The following ANKRD24 variants were observed in gnomAD, a reference collection of about 807,000 sequenced individuals.
The protein encoded by ANKRD24 is ankyrin repeat domain-containing protein 24.
In ANKRD24, 109 loss-of-function variants were observed where a neutral mutation model predicts 127.8. That is an observed-to-expected ratio of 0.85 (90% CI 0.73 to 1.00). The LOEUF (loss-of-function observed/expected upper bound fraction) is 1.00. Ranked by LOEUF, ANKRD24 falls within the 50% of genes least tolerant of loss-of-function variation. The pLI, the probability that ANKRD24 is intolerant of heterozygous loss-of-function variation, is 0.00. For missense variants in ANKRD24, 1,648 were observed against 1,570.2 expected (o/e 1.05, Z -0.84); for synonymous variants, 743 against 671.1 (o/e 1.11, Z -1.66).
At chr19:4,194,484 G>C (rs1968584852) in intron 2 of ANKRD24, among the ~76,000 whole-genome samples, 1 of 152,074 alleles carries the variant, frequency 6.6e-6, no homozygotes, top group African/African-American at 2.4e-5. Context: ...TTTTTCACGT[G>C]TCAGGAAGGA....
Position 4,219,726 on chromosome 19 carries a change from G to A in ANKRD24, c.3139G>A (p.Ala1047Thr), listed in dbSNP as rs199674372. The change falls in exon 19 of 22, where the codon GCT becomes ACT. Residue 1047 changes from alanine (A) to threonine (T), a missense_variant. Transcript: ENST00000318934. ...ARQAQSRAQE[A>T]LDKAKEKDKK... ...CCAGGCCCAGAGCCGGGCCCAGGAGGCTCTGGACAAGGCCAAGGAGAAGGA... is the reference window on the plus strand; with the variant it reads ...CCAGGCCCAGAGCCGGGCCCAGGAGACTCTGGACAAGGCCAAGGAGAAGGA... The A allele has an allele frequency of 2.8e-4, 459 of 1,612,672 alleles. No individual in the cohort carries two copies. In the African/African-American group the frequency reaches 5.6e-3, roughly 20 times the overall value.
intron 2 of ANKRD24, among the ~76,000 whole-genome samples, chr19:4,191,424 C>A (rs759565411): frequency 6.6e-6 from 1 of 151,996 alleles, no homozygotes; most frequent in Non-Finnish European, 1.5e-5. Context: ...TCCCTAACAC[C>A]GGCTTTTTCT....
rs775226297 is a variant in ANKRD24, at chr19:4,207,583, C to T, written c.620C>T (p.Ala207Val). The change falls in exon 9 of 22, where the codon GCG (alanine) becomes GTG (valine). Residue 207 changes from alanine (A) to valine (V), a missense_variant. Ala to Val is a moderately conservative substitution (Grantham distance 64). Coordinates refer to ENST00000318934, the MANE Select transcript of ANKRD24 (RefSeq NM_001393985.1). ...CTCCTACTGCAGCAAGGGGCTGCCGCGAACGATCAGGACCTGCAAGGCAGG... is the reference window on the plus strand; with the variant it reads ...CTCCTACTGCAGCAAGGGGCTGCCGTGAACGATCAGGACCTGCAAGGCAGG... ...CRLLLQQGAA[A>V]NDQDLQGRTA... is the part of the protein sequence containing the mutation. The T allele has an allele frequency of 1.3e-5, 21 of 1,613,786 alleles. No individual in the cohort carries two copies. Among genetic ancestry groups the T allele is most frequent in the Admixed American group, 3.3e-5 (2 of 59,996 alleles).
rs750899148 is a variant in ANKRD24 at position 4,217,283 on chromosome 19, C to G, written c.2123C>G (p.Pro708Arg). Residue 708 changes from proline (P) to arginine (R), a missense_variant, in exon 18 of 22, where the codon CCC (proline) becomes CGC (arginine). Pro to Arg is a moderately radical substitution (Grantham distance 103). Transcript: ENST00000318934. ...EATVPGISAG[P>R]ILHPGAAEAS... ...ACGGTCCCGGGGATCTCTGCTGGCC[C>G]CATCCTACATCCTGGTGCCGCAGAG... 1 of 1,558,962 alleles carries G rather than the reference C, an allele frequency of 6.4e-7. No individual in the cohort carries two copies. Among genetic ancestry groups the G allele is most frequent in the Non-Finnish European group, 8.7e-7 (1 of 1,151,476 alleles).
Position 4,193,845 on chromosome 19 carries a change from G to GAGGGAGGGAGGGAGGGAGGGAGGGA in ANKRD24, c.37-5835_37-5834insGAGGGAGGGAGGGAGGGAGGGAAGG, listed in dbSNP as rs573649233. On this transcript the variant is annotated intron_variant, in intron 2 of 21. Coordinates refer to ENST00000318934, the MANE Select transcript of ANKRD24 (RefSeq NM_001393985.1). ...GAGCGAGACTCCGTCGGGAGGGAGGGAGGAAGGAAGGAAGGAAGGAAGGAA... is the reference window on the plus strand; with the variant it reads ...GAGCGAGACTCCGTCGGGAGGGAGGGAGGGAGGGAGGGAGGGAGGGAGGGAAGGAAGGAAGGAAGGAAGGAAGGAA... Among the ~76,000 whole-genome samples, 211 of 40,600 alleles carry GAGGGAGGGAGGGAGGGAGGGAGGGA rather than the reference G, an allele frequency of 5.2e-3. 37 individuals carry two copies. Among genetic ancestry groups the GAGGGAGGGAGGGAGGGAGGGAGGGA allele is most frequent in the African/African-American group, 0.021 (166 of 7,782 alleles). 26.6% of individuals were successfully genotyped at this position (40,600 alleles called of 152,430 possible).
intron 2 of ANKRD24, among the ~76,000 whole-genome samples, chr19:4,189,068 C>G (rs1330039584): frequency 6.6e-6 from 1 of 151,992 alleles, no homozygotes; most frequent in Non-Finnish European, 1.5e-5. Flanking sequence ...CCTCAGCCTC[C>G]CAAAGTGCTG....
chr19:4,223,397 A>T (rs1003523269), intron 20 of ANKRD24, among the ~76,000 whole-genome samples: 2,601 of 54,474 alleles, frequency 0.048, 154 homozygotes, highest in African/African-American at 0.11. Context: ...ATATATATAT[A>T]TATATTTTTT....
At chr19:4,192,618 G>C (rs1172036129) in intron 2 of ANKRD24, among the ~76,000 whole-genome samples, 1 of 151,606 alleles carries the variant, frequency 6.6e-6, no homozygotes, top group Non-Finnish European at 1.5e-5. Context: ...CTGAGGAGGT[G>C]ACATTCTAAG....
intron 13 of ANKRD24, 24 bp from the exon 14 acceptor site, chr19:4,212,451 C>G (rs1255272378): frequency 6.4e-7 from 1 of 1,574,202 alleles, no homozygotes; most frequent in African/African-American, 1.4e-5. Flanking sequence ...AGATCCAAAC[C>G]CCTGTCCCTG....
At chr19:4,205,307 G>A (rs527620822) in intron 7 of ANKRD24, among the ~76,000 whole-genome samples, 138 of 152,302 alleles carry the variant, frequency 9.1e-4, no homozygotes, top group African/African-American at 3.1e-3. Context: ...ACCGTTCTAC[G>A]TGTTGTAGAT....
chr19:4,182,735 A>G lies in ANKRD24; in HGVS notation c.-42A>G. 1 of 1,398,104 alleles carries G rather than the reference A, an allele frequency of 7.2e-7. No individual in the cohort carries two copies. Among genetic ancestry groups the G allele is most frequent in the Non-Finnish European group, 9.3e-7 (1 of 1,074,234 alleles). 86.6% of individuals were successfully genotyped at this position (1,398,104 alleles called of 1,614,324 possible). On this transcript the variant is annotated 5_prime_UTR_variant, in exon 1 of 22. An upstream start codon of the reference 5' UTR is lost. Transcript: ENST00000318934. Reference sequence around the variant, plus strand: ...GTCAGAAGGAAGCCTGCCTCTTTGCATGCAGGTGTTTGCGGGGCTTGGGAA... The same window carrying G: ...GTCAGAAGGAAGCCTGCCTCTTTGCGTGCAGGTGTTTGCGGGGCTTGGGAA...
intron 19 of ANKRD24, among the ~76,000 whole-genome samples, chr19:4,221,521 C>T (rs1406891205): frequency 6.6e-6 from 1 of 152,128 alleles, no homozygotes; most frequent in Non-Finnish European, 1.5e-5. Flanking sequence ...TGAGCCACCG[C>T]ACCTGGTTTC....
At chr19:4,200,483 G>T (rs1969038384) in intron 5 of ANKRD24, among the ~76,000 whole-genome samples, 1 of 152,128 alleles carries the variant, frequency 6.6e-6, no homozygotes, top group Non-Finnish European at 1.5e-5. Context: ...GGGCTTGGGG[G>T]ATAGCTGCAA....
intron 19 of ANKRD24, among the ~76,000 whole-genome samples, chr19:4,220,614 G>A (rs1180694074): frequency 3.3e-5 from 5 of 152,010 alleles, no homozygotes; most frequent in Admixed American, 6.6e-5. Context: ...GAGTGCAGTG[G>A]CGTGATCTTG....
intron 15 of ANKRD24, among the ~76,000 whole-genome samples, chr19:4,214,368 T>C (rs922358458): frequency 8.5e-5 from 13 of 152,076 alleles, no homozygotes; most frequent in African/African-American, 3.1e-4. Context: ...GGACTCACTA[T>C]GTTCCCCAGT....
At chr19:4,200,279 AGGGGAG>A (rs1969026791) in intron 5 of ANKRD24, 108 bp downstream of exon 5, 1 of 1,219,560 alleles carries the variant, frequency 8.2e-7, no homozygotes, top group Non-Finnish European at 1.1e-6. Context: ...CGCTGAAAAA[AGGGGAG>A]GCTCCCTCTG....
intron 15 of ANKRD24, 89 bp downstream of exon 15, chr19:4,212,787 T>C (rs1969819485): frequency 2.5e-6 from 3 of 1,218,564 alleles, no homozygotes; most frequent in Middle Eastern, 2.7e-4. Flanking sequence ...CACCAGTGCA[T>C]GCACAGCCTC....
At chr19:4,221,169 C>G (rs1398919575) in intron 19 of ANKRD24, among the ~76,000 whole-genome samples, 2 of 151,916 alleles carry the variant, frequency 1.3e-5, no homozygotes, top group African/African-American at 4.8e-5. Flanking sequence ...ACCTCACCTC[C>G]CGGGTTCAAG....
chr19:4,186,302 C>T (rs1211029281), intron 1 of ANKRD24, 88 bp from the exon 2 acceptor site: 3 of 1,518,618 alleles, frequency 2.0e-6, no homozygotes, highest in East Asian at 2.5e-5. Flanking sequence ...AAGGAGGAAG[C>T]GGTCCTTTTG....
Sources: gnomAD v4.1 joint callset for allele counts (sites outside exome capture counted in the v4.1 genomes callset) on GRCh38, gnomAD v4.1.1 for gene constraint, MANE v1.5 for transcripts, NCBI Gene and HGNC (gene_info 2026-07-23, HGNC 2026-07-21) for gene names.